Variants in PTPRD observed in about 807,000 individuals in gnomAD.
PTPRD encodes receptor-type tyrosine-protein phosphatase delta.
Under a neutral mutation model 214.5 loss-of-function variants are expected in PTPRD, and 34 were observed. The observed-to-expected ratio is 0.16, with a 90% confidence interval of 0.12 to 0.21. PTPRD has a LOEUF of 0.21. Ranked by LOEUF, PTPRD falls within the 10% of genes least tolerant of loss-of-function variation. PTPRD has a pLI of 1.00. For synonymous variants in PTPRD, 1,128 were observed against 845.7 expected (o/e 1.33, Z -5.79); for missense variants, 2,545 against 2,398.7 (o/e 1.06, Z -1.27).
intron 4 of PTPRD, among the ~76,000 whole-genome samples, chr9:10,008,909 C>T (rs2096542655): frequency 6.6e-6 from 1 of 151,792 alleles, no homozygotes; most frequent in South Asian, 2.1e-4. Context: ...AATTGACTAA[C>T]AATAATATAA....
chr9:8,803,280 G>C (rs2096608194), intron 11 of PTPRD, among the ~76,000 whole-genome samples: 1 of 151,994 alleles, frequency 6.6e-6, no homozygotes, highest in Admixed American at 6.6e-5. Context: ...GTACACCTTA[G>C]ATAATATGAA....
intron 14 of PTPRD, among the ~76,000 whole-genome samples, chr9:8,550,418 A>G (rs562926117): frequency 1.3e-5 from 2 of 152,344 alleles, no homozygotes; most frequent in South Asian, 4.1e-4. Context: ...ACTAGATTGT[A>G]TGAGATTAAC....
intron 11 of PTPRD, among the ~76,000 whole-genome samples, chr9:8,796,105 G>C (rs1210693783): frequency 6.6e-6 from 1 of 152,224 alleles, no homozygotes; most frequent in South Asian, 2.1e-4. Context: ...GCATACTGTT[G>C]GTAGCCACAG....
intron 2 of PTPRD, among the ~76,000 whole-genome samples, chr9:10,396,453 T>C (rs2098172408): frequency 6.6e-6 from 1 of 151,968 alleles, no homozygotes; most frequent in Admixed American, 6.6e-5. Context: ...TTATTTAGGA[T>C]CTAATTATCT....
chr9:9,777,028 C>G (rs1272433498), intron 5 of PTPRD, among the ~76,000 whole-genome samples: 12 of 152,166 alleles, frequency 7.9e-5, no homozygotes, highest in Non-Finnish European at 4.4e-5. Context: ...CTGGGTACCA[C>G]TGAAGAGTTG....
intron 2 of PTPRD, among the ~76,000 whole-genome samples, chr9:10,359,097 AG>A (rs1247673290): frequency 6.6e-6 from 1 of 152,022 alleles, no homozygotes; most frequent in Non-Finnish European, 1.5e-5. Flanking sequence ...CCAATGCAAA[AG>A]GATTTTTTTC....
chr9:8,347,121 A>G (rs1023860967), intron 39 of PTPRD, among the ~76,000 whole-genome samples: 8 of 152,030 alleles, frequency 5.3e-5, no homozygotes, highest in African/African-American at 1.9e-4. Flanking sequence ...TGTGCTGGTG[A>G]TCGTCTCTCT....
chr9:9,931,230 G>A (rs1042405531), intron 5 of PTPRD, among the ~76,000 whole-genome samples: 6 of 152,158 alleles, frequency 3.9e-5, no homozygotes, highest in Non-Finnish European at 5.9e-5. Context: ...GAGCCAAGAT[G>A]GCCGAATAGG....
chr9:9,480,473 T>C (rs905272904), intron 8 of PTPRD, among the ~76,000 whole-genome samples: 19 of 152,168 alleles, frequency 1.2e-4, no homozygotes, highest in African/African-American at 3.6e-4. Flanking sequence ...AGAAGTTATA[T>C]GCAAGGCAAT....
intron 9 of PTPRD, among the ~76,000 whole-genome samples, chr9:9,206,581 G>A (rs2099945007): frequency 6.6e-6 from 1 of 152,140 alleles, no homozygotes; most frequent in South Asian, 2.1e-4. Flanking sequence ...ATGTGGGTGG[G>A]CACCATCTAA....
At chr9:8,789,049 G>A (rs2096115370) in intron 11 of PTPRD, among the ~76,000 whole-genome samples, 1 of 152,130 alleles carries the variant, frequency 6.6e-6, no homozygotes, top group Non-Finnish European at 1.5e-5. Flanking sequence ...ATAAGAAGCA[G>A]TACTGTGAGA....
chr9:8,819,462 G>A (rs543450727), intron 11 of PTPRD, among the ~76,000 whole-genome samples: 6 of 152,220 alleles, frequency 3.9e-5, no homozygotes, highest in African/African-American at 1.4e-4. Context: ...CAGGATTCAA[G>A]ATCAGCCTGG....
chr9:10,287,206 G>A (rs2154397839), intron 3 of PTPRD, among the ~76,000 whole-genome samples: 1 of 152,266 alleles, frequency 6.6e-6, no homozygotes, highest in Admixed American at 6.5e-5. Flanking sequence ...GACAAGGGTA[G>A]CGTCACAATT....
chr9:10,117,681 CA>C lies in PTPRD; in HGVS notation c.-544-83892del, dbSNP rs975878842. Among the ~76,000 whole-genome samples, 36 of 150,056 alleles carry C rather than the reference CA, an allele frequency of 2.4e-4. No individual in the cohort carries two copies. The Admixed American group carries it at 2.4e-3, about 10-fold the overall frequency. On this transcript the variant is annotated intron_variant, in intron 3 of 45. Coordinates refer to ENST00000381196, the MANE Select transcript of PTPRD (RefSeq NM_002839.4). The stretch of plus-strand genomic sequence containing the variant: ...ACCCACTCTAATTCCAGGATGATTT[CA>C]CCTTGAGAAAAGACCCTATTTTCAG...
intron 8 of PTPRD, among the ~76,000 whole-genome samples, chr9:9,480,379 A>G (rs2095354837): frequency 6.6e-6 from 1 of 152,214 alleles, no homozygotes; most frequent in Non-Finnish European, 1.5e-5. Context: ...TAAAGCTGAA[A>G]GCATATTTGA....
intron 2 of PTPRD, among the ~76,000 whole-genome samples, chr9:10,611,514 A>T (rs1249468624): frequency 6.6e-6 from 1 of 152,190 alleles, no homozygotes. Context: ...ATGTATAATG[A>T]ACTTATTAAC....
chr9:9,784,944 C>T (rs1316431357), intron 5 of PTPRD, among the ~76,000 whole-genome samples: 1 of 147,398 alleles, frequency 6.8e-6, no homozygotes, highest in Non-Finnish European at 1.5e-5. Context: ...ATGGTTTGAG[C>T]AGGGTTTGCT....
rs536020268 is a variant in PTPRD, at chr9:8,364,959, C to A, written c.4661+10977G>T. Among the ~76,000 whole-genome samples the A allele has an allele frequency of 3.9e-5, 6 of 152,156 alleles. No individual in the cohort carries two copies. In the South Asian group the frequency reaches 1.2e-3, roughly 32 times the overall value. On this transcript the variant is annotated intron_variant, in intron 39 of 45. Coordinates refer to ENST00000381196, the MANE Select transcript of PTPRD (RefSeq NM_002839.4). ...GTGCTTTCTGGTTATTTTCCTAATGCATCTAGAAAATGTTAAGGGACCCTT... is the reference window on the plus strand; with the variant it reads ...GTGCTTTCTGGTTATTTTCCTAATGAATCTAGAAAATGTTAAGGGACCCTT...
intron 3 of PTPRD, among the ~76,000 whole-genome samples, chr9:10,174,637 AT>A (rs552537410): frequency 2.2e-4 from 33 of 151,978 alleles, no homozygotes; most frequent in African/African-American, 7.0e-4. Flanking sequence ...ATTTTTTTAC[AT>A]TTTGAAGTAG....
Sources: gnomAD v4.1 joint callset for allele counts (sites outside exome capture counted in the v4.1 genomes callset) on GRCh38, gnomAD v4.1.1 for gene constraint, MANE v1.5 for transcripts, NCBI Gene and HGNC (gene_info 2026-07-23, HGNC 2026-07-21) for gene names.